The following EPB41L4B variants were observed in gnomAD, a reference collection of about 807,000 sequenced individuals.
EPB41L4B encodes the protein erythrocyte membrane protein band 4.1 like 4B, also known as band 4.1-like protein 4B.
EPB41L4B carries 30 observed loss-of-function variants against 112.5 expected under a neutral mutation model. That is an observed-to-expected ratio of 0.27 (90% confidence interval 0.20 to 0.36). The LOEUF is 0.36. Ranked by LOEUF, EPB41L4B falls within the 10% of genes least tolerant of loss-of-function variation. EPB41L4B has a pLI of 1.00. For synonymous variants in EPB41L4B, 408 were observed against 439.7 expected (o/e 0.93, Z 0.90); for missense variants, 1,024 against 1,133.3 (o/e 0.90, Z 1.38).
chr9:109,181,866 G>A (rs1832070024), intron 24 of EPB41L4B, among the ~76,000 whole-genome samples: 1 of 151,956 alleles, frequency 6.6e-6, no homozygotes, highest in African/African-American at 2.4e-5. Context: ...ATAAATGAGT[G>A]GATAAACAAA....
chr9:109,239,210 A>C (rs913356478), intron 15 of EPB41L4B, among the ~76,000 whole-genome samples: 8 of 152,222 alleles, frequency 5.3e-5, no homozygotes, highest in African/African-American at 1.9e-4. Flanking sequence ...ACCAAGGCAG[A>C]GGTGAACAGA....
At chr9:109,304,701 G>A (rs185986786) in intron 1 of EPB41L4B, among the ~76,000 whole-genome samples, 7 of 152,310 alleles carry the variant, frequency 4.6e-5, no homozygotes, top group African/African-American at 1.4e-4. Flanking sequence ...TGAGGGGTCA[G>A]AGTGAAGCCA....
chr9:109,251,707 C>T (rs1053427053), intron 12 of EPB41L4B, among the ~76,000 whole-genome samples, 196 bp from the exon 13 acceptor site: 1 of 152,230 alleles, frequency 6.6e-6, no homozygotes, highest in Non-Finnish European at 1.5e-5. Flanking sequence ...CACTCAGCAA[C>T]CATCCACTCA....
intron 15 of EPB41L4B, among the ~76,000 whole-genome samples, chr9:109,221,880 T>C (rs573721441): frequency 6.6e-6 from 1 of 152,344 alleles, no homozygotes; most frequent in Admixed American, 6.5e-5. Flanking sequence ...AGATATCATC[T>C]GTCATGCCAA....
At chr9:109,288,426 T>TA (rs1271055004) in intron 1 of EPB41L4B, among the ~76,000 whole-genome samples, 7 of 150,822 alleles carry the variant, frequency 4.6e-5, no homozygotes, top group Admixed American at 1.3e-4. Flanking sequence ...ATACAGACAA[T>TA]AAAAAAAACT....
At chr9:109,273,169 A>G (rs554944440) in intron 2 of EPB41L4B, among the ~76,000 whole-genome samples, 7 of 152,046 alleles carry the variant, frequency 4.6e-5, no homozygotes, top group African/African-American at 1.4e-4. Flanking sequence ...CAGCACCAGT[A>G]TTTGCACGTG....
At chr9:109,303,517 T>C (rs1019125088) in intron 1 of EPB41L4B, among the ~76,000 whole-genome samples, 1 of 151,948 alleles carries the variant, frequency 6.6e-6, no homozygotes, top group East Asian at 1.9e-4. Flanking sequence ...GGCTGGTTTT[T>C]TTTGTTTTTG....
intron 6 of EPB41L4B, among the ~76,000 whole-genome samples, chr9:109,260,623 C>T (rs1182887405): frequency 1.3e-5 from 2 of 152,238 alleles, no homozygotes; most frequent in East Asian, 1.9e-4. Context: ...CTATGTTGGC[C>T]AGGCTGGTCT....
chr9:109,219,206 G>A (rs961095013), intron 15 of EPB41L4B, among the ~76,000 whole-genome samples: 2 of 152,166 alleles, frequency 1.3e-5, no homozygotes, highest in African/African-American at 4.8e-5. Flanking sequence ...TCCTTCTAAT[G>A]AGAGTGTTCT....
intron 15 of EPB41L4B, among the ~76,000 whole-genome samples, chr9:109,230,347 T>C (rs1236175287): frequency 6.6e-6 from 1 of 152,170 alleles, no homozygotes; most frequent in Non-Finnish European, 1.5e-5. Context: ...AGCAATCTAA[T>C]GACAAAAAAG....
intron 1 of EPB41L4B, among the ~76,000 whole-genome samples, chr9:109,283,844 T>G (rs528994909): frequency 2.6e-5 from 4 of 151,828 alleles, no homozygotes; most frequent in African/African-American, 9.7e-5. Flanking sequence ...TCCAGTACTT[T>G]GGGAGGCTTA....
chr9:109,302,053 C>T (rs1836989437), intron 1 of EPB41L4B, among the ~76,000 whole-genome samples: 1 of 152,202 alleles, frequency 6.6e-6, no homozygotes, highest in African/African-American at 2.4e-5. Flanking sequence ...GCTCTGGCCA[C>T]CAAGAGTCAA....
At chr9:109,256,355 C>T in intron 8 of EPB41L4B, 38 bp downstream of exon 8, 1 of 1,605,040 alleles carries the variant, frequency 6.2e-7, no homozygotes, top group South Asian at 1.1e-5. Context: ...TTTTCAGTAA[C>T]AGCAAAACCA....
chr9:109,307,112 C>A, intron 1 of EPB41L4B: 1 of 258,072 alleles, frequency 3.9e-6, no homozygotes, highest in Non-Finnish European at 7.7e-6. Context: ...ATCTGGAAAA[C>A]TTACCTATGT....
At chr9:109,184,874 T>A (rs1299752465) in intron 23 of EPB41L4B, among the ~76,000 whole-genome samples, 1 of 152,160 alleles carries the variant, frequency 6.6e-6, no homozygotes, top group East Asian at 1.9e-4. Flanking sequence ...ATTCACTTGA[T>A]GAAATACAAA....
At position 109,185,564 on chromosome 9, in the gene EPB41L4B, A is replaced by G; in HGVS notation, c.2343T>C (p.Cys781=). Residue 781 remains cysteine, a synonymous_variant, in exon 23 of 26, where the codon TGT becomes TGC. Transcript: ENST00000374566. ...ASNPHCAHSR[C]SPPLSLPMKE... Reference sequence around the variant, plus strand: ...TCATGGGGAGAGAGAGTGGAGGAGAACAGCGAGAGTGGGCACAGTGGGGGT... The same window carrying G: ...TCATGGGGAGAGAGAGTGGAGGAGAGCAGCGAGAGTGGGCACAGTGGGGGT... 1 of 1,613,548 alleles carries G rather than the reference A, an allele frequency of 6.2e-7. No individual in the cohort carries two copies. Among genetic ancestry groups the G allele is most frequent in the Non-Finnish European group, 8.5e-7 (1 of 1,179,736 alleles).
At chr9:109,297,646 T>C (rs1178245808) in intron 1 of EPB41L4B, among the ~76,000 whole-genome samples, 1 of 152,230 alleles carries the variant, frequency 6.6e-6, no homozygotes, top group Non-Finnish European at 1.5e-5. Flanking sequence ...ACAGCATCCC[T>C]GCGGCAATCA....
intron 15 of EPB41L4B, chr9:109,240,582 T>G: frequency 1.0e-6 from 1 of 985,392 alleles, no homozygotes; most frequent in Non-Finnish European, 1.2e-6. Flanking sequence ...GGGCTTGAAA[T>G]GGGGGAAATA....
At chr9:109,232,997 T>C (rs1834005373) in intron 15 of EPB41L4B, among the ~76,000 whole-genome samples, 1 of 152,186 alleles carries the variant, frequency 6.6e-6, no homozygotes, top group African/African-American at 2.4e-5. Flanking sequence ...AGCCAGGGAA[T>C]GAAGCTGGTT....
Sources: allele counts gnomAD v4.1 joint callset (sites outside exome capture counted in the v4.1 genomes callset), GRCh38; gene constraint gnomAD v4.1.1; transcripts MANE v1.5; gene names NCBI Gene and HGNC (gene_info 2026-07-23, HGNC 2026-07-21).